Variants in KCNH8 observed in about 807,000 individuals in gnomAD.
KCNH8 encodes the protein voltage-gated delayed rectifier potassium channel KCNH8.
A neutral mutation model predicts 103.6 loss-of-function variants in KCNH8; 70 were observed. The ratio of observed to expected loss-of-function variants is 0.68; its 90% CI spans 0.56 to 0.82. The LOEUF (loss-of-function observed/expected upper bound fraction) is 0.82. Among genes scored for constraint, KCNH8 ranks in the 40% least tolerant of loss-of-function variants. The probability of loss-of-function intolerance (pLI) is 0.00; values close to 1 mark genes in which losing one functional copy is unlikely to be tolerated. For missense variants in KCNH8, 1,217 were observed against 1,329.9 expected (o/e 0.92, Z 1.32); for synonymous variants, 498 against 489.4 (o/e 1.02, Z -0.23).
chr3:19,368,271 C>G (rs985517682), intron 5 of KCNH8, among the ~76,000 whole-genome samples: 1 of 151,992 alleles, frequency 6.6e-6, no homozygotes, highest in Non-Finnish European at 1.5e-5. Context: ...GGAAAACTCT[C>G]AGTGAATAGT....
In KCNH8 at chr3:19,413,707, A is replaced by G. The variant is rs114679877; in HGVS notation, c.1177+18396A>G. Among the ~76,000 whole-genome samples the G allele has an allele frequency of 4.6e-3, 699 of 152,128 alleles. 4 individuals are homozygous for G. The highest frequency in any genetic ancestry group is 0.016 in the African/African-American group (665 of 41,552). On this transcript the variant is annotated intron_variant, in intron 7 of 15. Coordinates refer to ENST00000328405, the MANE Select transcript of KCNH8 (RefSeq NM_144633.3). ...TGATCTCGGACTTCCAGCCTCTAGCACTTGGGGGAAATAATTTGTTTTTTG... is the reference window on the plus strand; with the variant it reads ...TGATCTCGGACTTCCAGCCTCTAGCGCTTGGGGGAAATAATTTGTTTTTTG...
chr3:19,203,377 T>G (rs2063683143), intron 1 of KCNH8, among the ~76,000 whole-genome samples: 1 of 151,996 alleles, frequency 6.6e-6, no homozygotes, highest in Non-Finnish European at 1.5e-5. Context: ...ATATTCTAAA[T>G]AAAAGCAAAA....
intron 7 of KCNH8, among the ~76,000 whole-genome samples, chr3:19,399,696 C>T (rs1217757119): frequency 1.3e-5 from 2 of 151,946 alleles, no homozygotes; most frequent in Non-Finnish European, 2.9e-5. Flanking sequence ...ACCACCTCTG[C>T]TCTTATTGTT....
At position 19,327,015 on chromosome 3, in the gene KCNH8, C is replaced by G. The variant is rs933475973; in HGVS notation, c.443-15572C>G. On this transcript the variant is annotated intron_variant, in intron 3 of 15. Coordinates refer to ENST00000328405, the MANE Select transcript of KCNH8 (RefSeq NM_144633.3). ...GAATCACTGGGGGTCATTCCATTGT[C>G]TAAGATGTCTAGTTCTCTCTCTCTG... 5.3e-5 allele frequency among the ~76,000 whole-genome samples: 8 copies of G among 152,140 alleles called. No individual in the cohort carries two copies. The East Asian group carries it at 7.8e-4, about 15-fold the overall frequency.
chr3:19,234,391 C>T (rs926316129), intron 1 of KCNH8, among the ~76,000 whole-genome samples: 9 of 152,214 alleles, frequency 5.9e-5, no homozygotes, highest in Non-Finnish European at 1.2e-4. Context: ...TGGGGGGAGG[C>T]TCAGGCATGG....
intron 11 of KCNH8, among the ~76,000 whole-genome samples, chr3:19,486,203 T>C (rs1401512557): frequency 6.6e-6 from 1 of 152,192 alleles, no homozygotes; most frequent in Admixed American, 6.5e-5. Flanking sequence ...TCTGCTAGAA[T>C]AGACTGAGCC....
rs73182715 is a variant in KCNH8, at chr3:19,269,452, A to T, written c.311-11746A>T. On this transcript the variant is annotated intron_variant, in intron 2 of 15. Coordinates refer to ENST00000328405, the MANE Select transcript of KCNH8 (RefSeq NM_144633.3). ...ATAATATACTATTAAAAGGAGAAAC[A>T]TTAAACTCAGAATGTGTTTTGAGAT... Among the ~76,000 whole-genome samples, 618 of 152,266 alleles carry T rather than the reference A, an allele frequency of 4.1e-3. 3 individuals carry two copies. The highest frequency in any genetic ancestry group is 0.014 in the African/African-American group (591 of 41,574).
intron 5 of KCNH8, among the ~76,000 whole-genome samples, chr3:19,373,756 A>G (rs2066142741): frequency 1.3e-5 from 2 of 150,516 alleles, no homozygotes; most frequent in Non-Finnish European, 1.5e-5. Flanking sequence ...AGTGCTATAA[A>G]TTTCCCTCTA....
intron 11 of KCNH8, among the ~76,000 whole-genome samples, chr3:19,460,985 G>T (rs2067616704): frequency 6.6e-6 from 1 of 152,128 alleles, no homozygotes. Context: ...ATGCTGAACT[G>T]TGACTTAATT....
intron 1 of KCNH8, among the ~76,000 whole-genome samples, chr3:19,175,419 C>T (rs1021068664): frequency 1.3e-5 from 2 of 152,062 alleles, no homozygotes; most frequent in Admixed American, 6.5e-5. Flanking sequence ...GACAGGGTTT[C>T]ACCGTGGTCT....
At chr3:19,415,326 A>G (rs2066846283) in intron 7 of KCNH8, among the ~76,000 whole-genome samples, 1 of 151,872 alleles carries the variant, frequency 6.6e-6, no homozygotes, top group African/African-American at 2.4e-5. Flanking sequence ...AACTTGTCCT[A>G]AATCACAATC....
intron 5 of KCNH8, among the ~76,000 whole-genome samples, chr3:19,348,612 C>A (rs553939608): frequency 2.6e-5 from 4 of 152,022 alleles, no homozygotes; most frequent in Non-Finnish European, 4.4e-5. Context: ...CTTGTTTAGA[C>A]CAAAGCCTAG....
chr3:19,384,296 AGGCATGCTTCTCTT>A (rs1170088625), intron 5 of KCNH8, among the ~76,000 whole-genome samples: 1 of 152,214 alleles, frequency 6.6e-6, no homozygotes, highest in African/African-American at 2.4e-5. Context: ...TACCAGAAAA[AGGCATGCTTCTCTT>A]GGATGCCTTG....
rs367828335 is a variant in KCNH8 at position 19,281,284 on chromosome 3, A to C, written c.397A>C (p.Ile133Leu). The C allele has an allele frequency of 6.2e-7, 1 of 1,611,172 alleles. No individual in the cohort carries two copies. Among genetic ancestry groups the C allele is most frequent in the Non-Finnish European group, 8.5e-7 (1 of 1,178,336 alleles). Residue 133 changes from isoleucine to leucine, a missense_variant, in exon 3 of 16, where the codon ATA (isoleucine) becomes CTA (leucine). Ile to Leu is a conservative substitution (Grantham distance 5). Transcript: ENST00000328405. ...ACTTTTTCTGGCCTCGTTCAAAGAT[A>C]TAACAGATACAAAAGTGAAGATTAC... ...VVLFLASFKDITDTKVKITPE... is the reference protein window; with the variant it reads ...VVLFLASFKDLTDTKVKITPE...
At chr3:19,452,137 C>A (rs2067457831) in intron 10 of KCNH8, among the ~76,000 whole-genome samples, 1 of 152,100 alleles carries the variant, frequency 6.6e-6, no homozygotes, top group South Asian at 2.1e-4. Context: ...GTAATCCTAG[C>A]GCTTTTGCAG....
chr3:19,192,697 T>C (rs1309829232), intron 1 of KCNH8, among the ~76,000 whole-genome samples: 1 of 151,738 alleles, frequency 6.6e-6, no homozygotes, highest in Non-Finnish European at 1.5e-5. Context: ...TGACATAAAA[T>C]GTCTCTAGTT....
chr3:19,331,324 G>A (rs889026814), intron 3 of KCNH8, among the ~76,000 whole-genome samples: 6 of 150,520 alleles, frequency 4.0e-5, no homozygotes, highest in Non-Finnish European at 7.4e-5. Flanking sequence ...ATGGAGTCTT[G>A]CTCTGTCGCC....
intron 1 of KCNH8, among the ~76,000 whole-genome samples, chr3:19,248,083 A>G (rs913448280): frequency 6.6e-6 from 1 of 152,202 alleles, no homozygotes; most frequent in Non-Finnish European, 1.5e-5. Flanking sequence ...TAACACTACA[A>G]CAAGCAATAA....
intron 3 of KCNH8, among the ~76,000 whole-genome samples, chr3:19,294,397 T>C (rs2064968851): frequency 6.6e-6 from 1 of 152,196 alleles, no homozygotes; most frequent in African/African-American, 2.4e-5. Flanking sequence ...TGATTTTCTT[T>C]TGTTTGCATA....
Sources: allele counts gnomAD v4.1 joint callset (sites outside exome capture counted in the v4.1 genomes callset), GRCh38; gene constraint gnomAD v4.1.1; transcripts MANE v1.5; gene names NCBI Gene and HGNC (gene_info 2026-07-23, HGNC 2026-07-21).